MSH4: variants seen among roughly 807,000 people sequenced by gnomAD.
MSH4 encodes mutS homolog 4.
A neutral mutation model predicts 113.7 loss-of-function variants in MSH4; 106 were observed. The observed-to-expected ratio is 0.93, with a 90% CI of 0.80 to 1.10. The LOEUF (loss-of-function observed/expected upper bound fraction) is 1.10, where lower values mean the gene tolerates loss of function less well. MSH4 is among the 50% of genes least tolerant of loss of function. MSH4 has a pLI of 0.00. For missense variants in MSH4, 1,061 were observed against 1,093.7 expected (o/e 0.97, Z 0.42); for synonymous variants, 368 against 380.2 (o/e 0.97, Z 0.37).
At chr1:75,834,784 C>T (rs1205178050) in intron 7 of MSH4, among the ~76,000 whole-genome samples, 4 of 152,004 alleles carry the variant, frequency 2.6e-5, no homozygotes, top group African/African-American at 9.7e-5. Context: ...GTCGTGGGGT[C>T]AGGGGATGGG....
At position 75,878,856 on chromosome 1, in the gene MSH4, A is replaced by G. The variant is rs907480450; in HGVS notation, c.1541-136A>G. 9 of 754,496 alleles carry G rather than the reference A, an allele frequency of 1.2e-5. 1 individual carries two copies. In the African/African-American group the frequency reaches 1.6e-4, roughly 13 times the overall value. 46.7% of individuals were successfully genotyped at this position (754,496 alleles called of 1,614,324 possible). ...AAAAAAAAAAAATTATTAGAGTTTG[A>G]AAGAGCAACAAGACCTCCTATTTAT... On this transcript the variant is annotated intron_variant, in intron 11 of 19. Coordinates refer to ENST00000263187, the MANE Select transcript of MSH4 (RefSeq NM_002440.4).
intron 7 of MSH4, among the ~76,000 whole-genome samples, chr1:75,824,037 T>C (rs1311560078): frequency 6.6e-6 from 1 of 152,184 alleles, no homozygotes; most frequent in Non-Finnish European, 1.5e-5. Context: ...TTCTAGATCC[T>C]TGAGGAATCG....
Position 75,880,145 on chromosome 1 carries a change from G to T in MSH4, c.1773G>T (p.Met591Ile). Reference protein sequence around the residue: ...CQESLREIYHMTYMIVCKLLS... With the variant: ...CQESLREIYHITYMIVCKLLS... ...AATCTTTGAGAGAAATCTATCACAT[G>T]ACTTATATGTAAGAGCATTTGAAGT... Residue 591 changes from methionine to isoleucine, a missense_variant, in exon 13 of 20, where the codon ATG becomes ATT. By Grantham distance (10) the Met-to-Ile change is conservative (BLOSUM62 1). Coordinates refer to ENST00000263187, the MANE Select transcript of MSH4 (RefSeq NM_002440.4). 6.6e-7 allele frequency: 1 copy of T among 1,514,632 alleles called. No individual in the cohort carries two copies. Among genetic ancestry groups the T allele is most frequent in the Non-Finnish European group, 9.1e-7 (1 of 1,099,418 alleles). The allele number at this position is 1,514,632 out of a possible 1,614,324, so 93.8% of individuals were successfully genotyped here.
intron 6 of MSH4, among the ~76,000 whole-genome samples, chr1:75,818,538 T>A (rs974381262): frequency 1.3e-5 from 2 of 152,228 alleles, no homozygotes; most frequent in Non-Finnish European, 2.9e-5. Context: ...TTAATACTTT[T>A]AAAATGCTTA....
At chr1:75,886,839 TTA>T (rs34966627) in intron 15 of MSH4, among the ~76,000 whole-genome samples, 126,514 of 136,530 alleles carry the variant, frequency 0.93, 58,803 homozygotes, top group South Asian at 0.99. Flanking sequence ...TATATATATA[TTA>T]TATATATATA....
intron 4 of MSH4, among the ~76,000 whole-genome samples, chr1:75,812,446 C>T (rs1429710819): frequency 1.3e-5 from 2 of 152,126 alleles, no homozygotes; most frequent in African/African-American, 2.4e-5. Context: ...GTAATCCCAG[C>T]ACTTTCAGAG....
In MSH4 at chr1:75,912,679, T is replaced by A. The variant is rs547419118; in HGVS notation, c.2620-17T>A. The A allele has an allele frequency of 6.3e-3, 8,507 of 1,356,184 alleles. 142 individuals carry two copies. The highest frequency in any genetic ancestry group is 6.5e-3 in the Non-Finnish European group (6,675 of 1,033,900). 84.0% of individuals were successfully genotyped at this position (1,356,184 alleles called of 1,614,324 possible). A position where few individuals can be genotyped will look rare whatever the true frequency, so the allele number is the denominator to read the frequency against. Reference sequence around the variant, plus strand: ...ATTTGTGTATATATATATATATTTTTTTTTTTTCAATGACAGCAAAACCAA... The same window carrying A: ...ATTTGTGTATATATATATATATTTTATTTTTTTCAATGACAGCAAAACCAA... On this transcript the variant is annotated splice_polypyrimidine_tract_variant and intron_variant, in intron 19 of 19. Transcript: ENST00000263187.
At position 75,848,212 on chromosome 1, in the gene MSH4, T is replaced by C; in HGVS notation, c.1166T>C (p.Ile389Thr). 1 of 1,600,222 alleles carries C rather than the reference T, an allele frequency of 6.2e-7. No homozygotes were observed. The highest frequency in any genetic ancestry group is 8.5e-7 in the Non-Finnish European group (1 of 1,169,894). Residue 389 changes from isoleucine to threonine, a missense_variant, in exon 8 of 20, where the codon ATA (isoleucine) becomes ACA (threonine). By Grantham distance (89) the Ile-to-Thr change is moderately conservative. Coordinates refer to ENST00000263187, the MANE Select transcript of MSH4 (RefSeq NM_002440.4). ...EELFFGLQSV[I>T]SRFLDTEQLL... ...CACATTTGTTTGTTTGTTTCAGTTA[T>C]ATCAAGATTTCTTGATACAGAGCAG...
At chr1:75,802,567 A>G (rs5745315) in intron 1 of MSH4, among the ~76,000 whole-genome samples, 160 of 152,354 alleles carry the variant, frequency 1.1e-3, no homozygotes, top group Non-Finnish European at 1.6e-3. Flanking sequence ...ACAATCCTGT[A>G]AAATAGGTAA....
intron 7 of MSH4, among the ~76,000 whole-genome samples, chr1:75,834,529 C>A (rs1326558186): frequency 6.6e-6 from 1 of 152,160 alleles, no homozygotes; most frequent in Non-Finnish European, 1.5e-5. Flanking sequence ...TGGAACTAAC[C>A]CAGGTGTCCA....
At chr1:75,863,517 G>A in intron 8 of MSH4, among the ~76,000 whole-genome samples, 1 of 151,908 alleles carries the variant, frequency 6.6e-6, no homozygotes, top group South Asian at 2.1e-4. Context: ...TCTCTGTAAA[G>A]CAATATTTTT....
At chr1:75,911,553 C>A (rs1450529855) in intron 19 of MSH4, among the ~76,000 whole-genome samples, 1 of 152,006 alleles carries the variant, frequency 6.6e-6, no homozygotes, top group Non-Finnish European at 1.5e-5. Flanking sequence ...TTGCTTACAA[C>A]AAGCCTTTTG....
chr1:75,821,895 G>A (rs1380026082), intron 6 of MSH4, among the ~76,000 whole-genome samples: 1 of 152,248 alleles, frequency 6.6e-6, no homozygotes, highest in Non-Finnish European at 1.5e-5. Flanking sequence ...ATAGGTGTGA[G>A]CAACCGTGCG....
intron 12 of MSH4, 114 bp from the exon 13 acceptor site, chr1:75,879,936 A>G (rs1172063912): frequency 9.6e-6 from 6 of 623,502 alleles, no homozygotes; most frequent in South Asian, 6.0e-5. Flanking sequence ...TTGTGATACC[A>G]TATCTCAAAG....
intron 7 of MSH4, among the ~76,000 whole-genome samples, chr1:75,829,528 C>G (rs561573032): frequency 2.0e-5 from 3 of 152,208 alleles, no homozygotes; most frequent in Non-Finnish European, 1.5e-5. Flanking sequence ...AACTGGGAGG[C>G]ATCTCCCAGT....
chr1:75,872,115 G>T lies in MSH4; in HGVS notation c.1305+4527G>T, dbSNP rs193103041. ...CACAGTTTATTCAGCATCCTAAAGG[G>T]AAAAAAGACCCTCCCAGCTATCTTC... On this transcript the variant is annotated intron_variant, in intron 9 of 19. Coordinates refer to ENST00000263187, the MANE Select transcript of MSH4 (RefSeq NM_002440.4). Among the ~76,000 whole-genome samples the T allele has an allele frequency of 2.0e-5, 3 of 152,096 alleles. No homozygotes were observed. In the East Asian group the frequency reaches 5.8e-4, roughly 29 times the overall value.
chr1:75,820,041 T>C (rs184978475), intron 6 of MSH4, among the ~76,000 whole-genome samples: 2 of 152,046 alleles, frequency 1.3e-5, no homozygotes, highest in East Asian at 1.9e-4. Flanking sequence ...AGCTCATTTC[T>C]TTATAAATCA....
chr1:75,893,137 T>G (rs781363025), intron 17 of MSH4, among the ~76,000 whole-genome samples: 6 of 152,196 alleles, frequency 3.9e-5, no homozygotes, highest in Admixed American at 6.5e-5. Flanking sequence ...TAATGCATTA[T>G]TTAATGTGTT....
intron 15 of MSH4, among the ~76,000 whole-genome samples, chr1:75,888,054 G>A (rs1485013421): frequency 1.3e-5 from 2 of 149,586 alleles, no homozygotes; most frequent in Non-Finnish European, 3.0e-5. Context: ...CTAGTATGTC[G>A]AATGGTATAG....
Sources: gnomAD v4.1 joint callset for allele counts (sites outside exome capture counted in the v4.1 genomes callset) on GRCh38, gnomAD v4.1.1 for gene constraint, MANE v1.5 for transcripts, NCBI Gene and HGNC (gene_info 2026-07-23, HGNC 2026-07-21) for gene names.